The following RNF144A variants were observed in gnomAD, a reference collection of about 807,000 sequenced individuals.
RNF144A encodes E3 ubiquitin-protein ligase RNF144A.
RNF144A carries 11 observed loss-of-function variants against 38.7 expected under a neutral mutation model. The observed-to-expected ratio is 0.28, with a 90% CI of 0.18 to 0.47. The LOEUF is 0.47. Among genes scored for constraint, RNF144A ranks in the 20% least tolerant of loss-of-function variants. RNF144A has a pLI of 0.99. For missense variants in RNF144A, 316 were observed against 377.2 expected (o/e 0.84, Z 1.34); for synonymous variants, 149 against 143.9 (o/e 1.04, Z -0.25).
intron 1 of RNF144A, among the ~76,000 whole-genome samples, chr2:6,929,967 A>T (rs1230782822): frequency 1.3e-5 from 2 of 152,248 alleles, no homozygotes; most frequent in African/African-American, 2.4e-5. Context: ...AGCAGAAAGA[A>T]TGAATTTCTA....
chr2:7,022,795 A>T (rs1444120783), intron 6 of RNF144A, among the ~76,000 whole-genome samples: 1 of 152,088 alleles, frequency 6.6e-6, no homozygotes, highest in East Asian at 1.9e-4. Flanking sequence ...TCTGTGCTGG[A>T]TCCCTCTGGA....
chr2:7,031,575 C>T (rs1447758655), intron 8 of RNF144A, among the ~76,000 whole-genome samples: 1 of 152,204 alleles, frequency 6.6e-6, no homozygotes, highest in African/African-American at 2.4e-5. Context: ...CCTGCCTGCT[C>T]CTCGAGAGGC....
At chr2:6,935,257 C>T (rs1283232642) in intron 1 of RNF144A, among the ~76,000 whole-genome samples, 1 of 152,228 alleles carries the variant, frequency 6.6e-6, no homozygotes, top group Non-Finnish European at 1.5e-5. Flanking sequence ...AAACTAGATC[C>T]CTGACTTTCT....
intron 2 of RNF144A, among the ~76,000 whole-genome samples, chr2:6,995,548 A>G (rs1347519024): frequency 2.0e-5 from 3 of 152,214 alleles, no homozygotes; most frequent in Non-Finnish European, 4.4e-5. Context: ...AACTGACAGT[A>G]CAGCCCTCAG....
rs190814164 is a variant in RNF144A, at chr2:6,979,605, C to T, written c.-11-17311C>T. On this transcript the variant is annotated intron_variant, in intron 2 of 8. Transcript: ENST00000320892. ...GAAACAATCAGATTAGCAATTACAT[C>T]TTTGGTGGGGGACCAGAAGTTATTG... Among the ~76,000 whole-genome samples, 842 of 151,802 alleles carry T rather than the reference C, an allele frequency of 5.5e-3. 4 individuals are homozygous for T. Among genetic ancestry groups the T allele is most frequent in the Middle Eastern group, 0.024 (7 of 294 alleles).
intron 6 of RNF144A, chr2:7,062,861 G>A (rs1674030297): frequency 6.6e-6 from 1 of 152,190 alleles, no homozygotes; most frequent in Non-Finnish European, 1.5e-5. Flanking sequence ...ATAGTTTCCA[G>A]TGAGCACCAG....
chr2:7,062,497 T>TAAAAA (rs70942688), intron 6 of RNF144A, among the ~76,000 whole-genome samples: 20 of 113,390 alleles, frequency 1.8e-4, no homozygotes, highest in East Asian at 7.3e-4. Flanking sequence ...TGCTGGGTGC[T>TAAAAA]AAAAAAAAAA....
chr2:7,027,880 A>G (rs1672017924), intron 7 of RNF144A, among the ~76,000 whole-genome samples: 1 of 151,838 alleles, frequency 6.6e-6, no homozygotes, highest in Admixed American at 6.6e-5. Flanking sequence ...GGGGATAAGA[A>G]AAGTGCTTTT....
downstream of RNF144A, among the ~76,000 whole-genome samples, chr2:7,046,967 A>G (rs2103470320): frequency 6.6e-6 from 1 of 152,336 alleles, no homozygotes; most frequent in South Asian, 2.1e-4. Flanking sequence ...AAGATCCAAC[A>G]AGGGGTAGTC....
intron 6 of RNF144A, among the ~76,000 whole-genome samples, chr2:7,050,933 C>T (rs1011319114): frequency 1.3e-5 from 2 of 152,218 alleles, no homozygotes; most frequent in African/African-American, 4.8e-5. Context: ...GGCAGAATGC[C>T]TCGGGTGCAG....
chr2:7,030,267 G>C (rs1287757198), intron 8 of RNF144A, 52 bp downstream of exon 8: 2 of 424,916 alleles, frequency 4.7e-6, no homozygotes, highest in Admixed American at 3.5e-5. Flanking sequence ...CTGTGTGTGT[G>C]TGTGTGTGTG....
At position 7,058,191 on chromosome 2, in the gene RNF144A, G is replaced by A. The variant is rs188345527; in HGVS notation, c.735-10025G>A. 2.4e-3 allele frequency among the ~76,000 whole-genome samples: 366 copies of A among 152,172 alleles called. 1 individual carries two copies. Among genetic ancestry groups the A allele is most frequent in the Non-Finnish European group, 3.9e-3 (263 of 68,012 alleles). On this transcript the variant is annotated intron_variant, in intron 6 of 6. Coordinates refer to the RNF144A transcript ENST00000432850. ...TGAGGACCTAGGGACAGCTCCAAGA[G>A]CTGAGACATGAACAAAAAGTAGGAA... is the stretch of plus-strand genomic sequence containing the variant.
At chr2:7,054,804 T>C (rs189105838) in intron 6 of RNF144A, among the ~76,000 whole-genome samples, 77 of 152,332 alleles carry the variant, frequency 5.1e-4, no homozygotes, top group African/African-American at 1.8e-3. Flanking sequence ...ATTTCTGTTC[T>C]TATCAATTAC....
chr2:6,985,268 C>CTTTTTTTT (rs1558405817), intron 2 of RNF144A, among the ~76,000 whole-genome samples: 1 of 128,614 alleles, frequency 7.8e-6, no homozygotes, highest in Non-Finnish European at 1.6e-5. Context: ...TCCCTCCCCC[C>CTTTTTTTT]TCTTTTTTTT....
intron 1 of RNF144A, among the ~76,000 whole-genome samples, chr2:6,928,961 TG>T (rs1343103483): frequency 6.6e-6 from 1 of 152,166 alleles, no homozygotes; most frequent in Non-Finnish European, 1.5e-5. Context: ...CTTGGCATTT[TG>T]GGGGTGACAT....
At chr2:6,965,826 A>G (rs936796120) in intron 2 of RNF144A, among the ~76,000 whole-genome samples, 5 of 152,102 alleles carry the variant, frequency 3.3e-5, no homozygotes, top group Non-Finnish European at 7.4e-5. Context: ...TGGTGAAGAG[A>G]CAGAAAATTT....
chr2:7,038,632 G>A (rs1241356957), intron 8 of RNF144A, among the ~76,000 whole-genome samples: 1 of 152,078 alleles, frequency 6.6e-6, no homozygotes, highest in East Asian at 1.9e-4. Flanking sequence ...AGGTGGAAAA[G>A]AAGAATGAGG....
chr2:7,017,950 T>C (rs1376415813), intron 5 of RNF144A, among the ~76,000 whole-genome samples: 2 of 152,166 alleles, frequency 1.3e-5, no homozygotes, highest in African/African-American at 4.8e-5. Context: ...AGGACAAAAC[T>C]AATAAGATTT....
chr2:6,999,561 C>T (rs890523571), intron 3 of RNF144A, among the ~76,000 whole-genome samples: 3 of 152,130 alleles, frequency 2.0e-5, no homozygotes, highest in Non-Finnish European at 4.4e-5. Context: ...TCAAGGAGTC[C>T]GGGGCTAGAG....
Sources: gnomAD v4.1 joint callset for allele counts (sites outside exome capture counted in the v4.1 genomes callset) on GRCh38, gnomAD v4.1.1 for gene constraint, MANE v1.5 for transcripts, NCBI Gene and HGNC (gene_info 2026-07-23, HGNC 2026-07-21) for gene names.